ESR1: variants seen among roughly 807,000 people sequenced by gnomAD.
The protein encoded by ESR1 is estrogen receptor.
A neutral mutation model predicts 52.7 loss-of-function variants in ESR1; 12 were observed. That is an observed-to-expected ratio of 0.23 (90% CI 0.15 to 0.37). The LOEUF is 0.37. Ranked by LOEUF, ESR1 falls within the 10% of genes least tolerant of loss-of-function variation. The pLI is 1.00. For missense variants in ESR1, 584 were observed against 779.7 expected (o/e 0.75, Z 2.99); for synonymous variants, 305 against 316.8 (o/e 0.96, Z 0.39).
At chr6:151,663,659 A>G (rs889124591) in intron 1 of ESR1, among the ~76,000 whole-genome samples, 2 of 152,174 alleles carry the variant, frequency 1.3e-5, no homozygotes, top group Non-Finnish European at 2.9e-5. Flanking sequence ...GCTTGGTGCT[A>G]ACAGTGGCCC....
upstream of ESR1, among the ~76,000 whole-genome samples, chr6:151,801,051 G>GGTGTGTGTGTGTGT (rs3062689): frequency 0.015 from 2,211 of 147,660 alleles, 36 homozygotes; most frequent in East Asian, 0.053. Context: ...TTGATTATGT[G>GGTGTGTGTGTGTGT]GTGTGTGTGT....
chr6:151,670,419 C>T (rs1406957489), intron 1 of ESR1, among the ~76,000 whole-genome samples: 1 of 152,150 alleles, frequency 6.6e-6, no homozygotes, highest in Admixed American at 6.5e-5. Flanking sequence ...TCTTCACCAA[C>T]GTATAAGCTT....
At chr6:151,824,522 G>T (rs1231301520) in intron 1 of ESR1, among the ~76,000 whole-genome samples, 1 of 152,106 alleles carries the variant, frequency 6.6e-6, no homozygotes, top group African/African-American at 2.4e-5. Flanking sequence ...ATTGCTTTTG[G>T]TGCTTTGGAC....
At chr6:151,731,495 A>G (rs1782241103) in intron 2 of ESR1, among the ~76,000 whole-genome samples, 1 of 152,272 alleles carries the variant, frequency 6.6e-6, no homozygotes. Context: ...CATGGATGCC[A>G]GGGACAGAGT....
Position 151,899,565 on chromosome 6 carries a change from G to A in ESR1, c.760+18794G>A, listed in dbSNP as rs1267694115. On this transcript the variant is annotated intron_variant, in intron 3 of 7. Coordinates refer to ENST00000206249, the MANE Select transcript of ESR1 (RefSeq NM_000125.4). The stretch of plus-strand genomic sequence containing the variant: ...TCCCTCCCGGACGGGGCGGCTGGCC[G>A]GGCGGGGAGCTGACCCCCCCACCTC... Among the ~76,000 whole-genome samples the A allele has an allele frequency of 4.8e-5, 7 of 145,642 alleles. No individual in the cohort carries two copies. In the South Asian group the frequency reaches 6.7e-4, roughly 14 times the overall value.
intron 2 of ESR1, among the ~76,000 whole-genome samples, chr6:151,796,973 C>T (rs1381297087): frequency 6.6e-6 from 1 of 152,208 alleles, no homozygotes; most frequent in Non-Finnish European, 1.5e-5. Flanking sequence ...CACTACAAAG[C>T]TCTCAAGAGT....
chr6:151,853,737 T>G (rs1179942438), intron 2 of ESR1, among the ~76,000 whole-genome samples: 1 of 152,184 alleles, frequency 6.6e-6, no homozygotes, highest in African/African-American at 2.4e-5. Flanking sequence ...ACTTCAAGCA[T>G]TTTTCTTCAT....
At chr6:151,687,003 C>CT (rs146213216), upstream of ESR1, among the ~76,000 whole-genome samples, 3,552 of 152,290 alleles carry the variant, frequency 0.023, 130 homozygotes, top group African/African-American at 0.081. Flanking sequence ...TGCTAGGAGG[C>CT]TTTCCTTACT....
intron 4 of ESR1, among the ~76,000 whole-genome samples, chr6:151,945,624 A>G (rs2035613322): frequency 6.6e-6 from 1 of 152,228 alleles, no homozygotes; most frequent in Non-Finnish European, 1.5e-5. Context: ...CTGGGCTTAT[A>G]GGTTAAATGA....
At chr6:151,970,487 TCA>T (rs2038795971) in intron 4 of ESR1, among the ~76,000 whole-genome samples, 1 of 152,174 alleles carries the variant, frequency 6.6e-6, no homozygotes, top group African/African-American at 2.4e-5. Flanking sequence ...GATGGGGCAG[TCA>T]CAGCCCTAGT....
intron 5 of ESR1, among the ~76,000 whole-genome samples, chr6:152,060,072 A>G (rs1171936799): frequency 1.3e-5 from 2 of 152,214 alleles, no homozygotes; most frequent in East Asian, 3.8e-4. Context: ...CTTGTGATAA[A>G]GAAAAAAATA....
intron 4 of ESR1, among the ~76,000 whole-genome samples, chr6:152,004,885 A>G (rs771284564): frequency 6.6e-6 from 1 of 152,012 alleles, no homozygotes; most frequent in Non-Finnish European, 1.5e-5. Flanking sequence ...TGAGGCATAC[A>G]CCATTTATTT....
chr6:151,881,130 T>A (rs1792842132), intron 3 of ESR1, among the ~76,000 whole-genome samples: 1 of 152,172 alleles, frequency 6.6e-6, no homozygotes, highest in African/African-American at 2.4e-5. Context: ...TGCTAGAAAA[T>A]GATATCTGAG....
At chr6:151,907,014 C>T (rs1797564715) in intron 3 of ESR1, among the ~76,000 whole-genome samples, 1 of 151,544 alleles carries the variant, frequency 6.6e-6, no homozygotes, top group Non-Finnish European at 1.5e-5. Flanking sequence ...ACATTCTTTC[C>T]CTGTTGATCT....
Position 151,773,793 on chromosome 6 carries a change from ATAATC to A in ESR1, c.-70-34048_-70-34044del, listed in dbSNP as rs1297965893. 7.9e-5 allele frequency among the ~76,000 whole-genome samples: 12 copies of A among 152,344 alleles called. No individual in the cohort carries two copies. In the East Asian group the frequency reaches 2.3e-3, roughly 29 times the overall value. ...AATGGAATCTAATCACCTTGAAAGA[ATAATC>A]TCTCATCTCCTCTGGTGGCAAAGGA... On this transcript the variant is annotated intron_variant, in intron 2 of 2. Coordinates refer to the ESR1 transcript ENST00000404742.
intron 3 of ESR1, among the ~76,000 whole-genome samples, chr6:151,882,455 A>G (rs1445523557): frequency 6.6e-6 from 1 of 152,232 alleles, no homozygotes; most frequent in Non-Finnish European, 1.5e-5. Flanking sequence ...TATGGATTAA[A>G]TATTTAAGGA....
At chr6:151,685,107 C>CTTTTTTTTTT (rs772122906) in intron 1 of ESR1, among the ~76,000 whole-genome samples, 6 of 72,950 alleles carry the variant, frequency 8.2e-5, no homozygotes, top group Non-Finnish European at 1.5e-4. Flanking sequence ...ACACTGGCCT[C>CTTTTTTTTTT]TTTTTTTTTT....
chr6:152,023,513 A>G (rs1274940774), intron 5 of ESR1, among the ~76,000 whole-genome samples: 1 of 152,212 alleles, frequency 6.6e-6, no homozygotes, highest in East Asian at 1.9e-4. Flanking sequence ...CATTTACAAA[A>G]AAATTTCTTG....
At chr6:151,741,130 A>G (rs1783064375) in intron 2 of ESR1, among the ~76,000 whole-genome samples, 1 of 151,706 alleles carries the variant, frequency 6.6e-6, no homozygotes, top group South Asian at 2.1e-4. Context: ...AGCAATGTCC[A>G]TTTTCTATCC....
Sources: allele counts gnomAD v4.1 joint callset (sites outside exome capture counted in the v4.1 genomes callset), GRCh38; gene constraint gnomAD v4.1.1; transcripts MANE v1.5; gene names NCBI Gene and HGNC (gene_info 2026-07-23, HGNC 2026-07-21).